XKR6: variants seen among roughly 807,000 people sequenced by gnomAD.
XKR6 encodes the protein XK related 6.
Under a neutral mutation model 56.7 loss-of-function variants are expected in XKR6, and 22 were observed. The ratio of observed to expected loss-of-function variants is 0.39; its 90% CI spans 0.28 to 0.55. The LOEUF is 0.55. Ranked by LOEUF, XKR6 falls within the 20% of genes least tolerant of loss-of-function variation. The probability of loss-of-function intolerance (pLI) is 0.66; values close to 1 mark genes in which losing one functional copy is unlikely to be tolerated. For synonymous variants in XKR6, 524 were observed against 387.8 expected, an observed-to-expected ratio of 1.35 and a Z score of -4.13; for missense variants, 852 against 889.0, an observed-to-expected ratio of 0.96 and a Z score of 0.53.
intron 1 of XKR6, among the ~76,000 whole-genome samples, chr8:11,198,834 A>C (rs1804036936): frequency 6.6e-6 from 1 of 152,058 alleles, no homozygotes; most frequent in Non-Finnish European, 1.5e-5. Context: ...TGGTATGTTA[A>C]AATCTCTCTT....
In XKR6 at chr8:11,085,585, G is replaced by A. The variant is rs78148452; in HGVS notation, c.764+114991C>T. ...GAATGGGGAGTGGGCACTGCTGGAC[G>A]AGGAGGGGGCCAGAGCGGGAGATTA... is the stretch of plus-strand genomic sequence containing the variant. On this transcript the variant is annotated intron_variant, in intron 1 of 2. Transcript: ENST00000416569. Among the ~76,000 whole-genome samples the A allele has an allele frequency of 3.9e-5, 6 of 152,284 alleles. No homozygotes were observed. The East Asian group carries it at 5.8e-4, about 15-fold the overall frequency.
chr8:11,047,324 G>C (rs1480686622), intron 1 of XKR6, among the ~76,000 whole-genome samples: 2 of 152,178 alleles, frequency 1.3e-5, no homozygotes, highest in Non-Finnish European at 2.9e-5. Flanking sequence ...CAGAGTTCAT[G>C]AAACCAGTTG....
chr8:11,169,969 T>G (rs1802284177), intron 1 of XKR6, among the ~76,000 whole-genome samples: 1 of 126,250 alleles, frequency 7.9e-6, no homozygotes, highest in African/African-American at 3.3e-5. Context: ...CATTGTGATC[T>G]CATAGACATA....
chr8:10,983,431 A>G (rs1424198853), intron 1 of XKR6, among the ~76,000 whole-genome samples: 2 of 152,112 alleles, frequency 1.3e-5, no homozygotes, highest in African/African-American at 2.4e-5. Flanking sequence ...GAAATTAATT[A>G]TCTTATAGAA....
rs1303763773 is a variant in XKR6, at chr8:11,201,087, T to G, written c.253A>C (p.Ser85Arg). 7.4e-6 allele frequency: 10 copies of G among 1,351,536 alleles called. No individual in the cohort carries two copies. Among genetic ancestry groups the G allele is most frequent in the African/African-American group, 1.5e-5 (1 of 64,632 alleles). 83.7% of individuals were successfully genotyped at this position (1,351,536 alleles called of 1,614,324 possible). Residue 85 changes from serine (S) to arginine (R), a missense_variant, in exon 1 of 3, where the codon AGC becomes CGC. By Grantham distance (110) the Ser-to-Arg change is moderately radical. Around this residue, in one of 4 missense-constraint regions of XKR6, gnomAD observed 417 missense variants for 355.2 expected, o/e 1.17. Coordinates refer to ENST00000416569, the MANE Select transcript of XKR6 (RefSeq NM_173683.4). ...RSLLGRKPRR[S>R]AAADGGDQPL... ...TGGTCCCCCCCGTCGGCGGCGGCGC[T>G]GCGGCGCGGCTTCCTGCCCAGGAGG...
rs564920186 is a variant in XKR6 at position 11,076,801 on chromosome 8, G to A, written c.764+123775C>T. On this transcript the variant is annotated intron_variant, in intron 1 of 2. Transcript: ENST00000416569. ...GGGCCCGCAGAGGACAGGCAGTCCC[G>A]TGCCCACTGCTACCTTGAATCCCAA... Among the ~76,000 whole-genome samples the A allele has an allele frequency of 2.5e-4, 38 of 152,286 alleles. No individual in the cohort carries two copies. The South Asian group carries it at 5.6e-3, about 22-fold the overall frequency.
At chr8:11,154,063 T>C (rs550414021) in intron 1 of XKR6, among the ~76,000 whole-genome samples, 1 of 152,336 alleles carries the variant, frequency 6.6e-6, no homozygotes, top group South Asian at 2.1e-4. Context: ...AAGAGACATC[T>C]GGCCTTTGCC....
intron 1 of XKR6, among the ~76,000 whole-genome samples, chr8:10,950,597 C>G (rs2129126806): frequency 6.6e-6 from 1 of 152,360 alleles, no homozygotes; most frequent in East Asian, 1.9e-4. Context: ...TGTGTCCCCA[C>G]AACAGTTTTA....
At chr8:11,109,533 T>C (rs1017387348) in intron 1 of XKR6, 3 of 152,100 alleles carry the variant, frequency 2.0e-5, no homozygotes, top group Non-Finnish European at 4.4e-5. Flanking sequence ...CGCCCACAGC[T>C]CCAGACCCGG....
At chr8:11,039,725 C>T (rs886962649) in intron 1 of XKR6, among the ~76,000 whole-genome samples, 22 of 152,240 alleles carry the variant, frequency 1.4e-4, no homozygotes, top group African/African-American at 3.6e-4. Context: ...TTCCCAAGGA[C>T]GGCAGCTGAG....
intron 1 of XKR6, among the ~76,000 whole-genome samples, chr8:11,171,574 G>A (rs960676550): frequency 6.6e-6 from 1 of 152,148 alleles, no homozygotes; most frequent in Non-Finnish European, 1.5e-5. Flanking sequence ...GTTAAAAGGA[G>A]CCTAGCCCTT....
intron 1 of XKR6, among the ~76,000 whole-genome samples, chr8:11,091,008 T>A (rs1412734347): frequency 6.6e-6 from 1 of 152,174 alleles, no homozygotes; most frequent in East Asian, 1.9e-4. Flanking sequence ...CTCTATAACC[T>A]TTGCTTCCTC....
chr8:11,106,876 A>G (rs527400648), intron 1 of XKR6, among the ~76,000 whole-genome samples: 2 of 149,330 alleles, frequency 1.3e-5, no homozygotes, highest in Non-Finnish European at 3.0e-5. Flanking sequence ...TAAAAAAGAT[A>G]CAACGTTACA....
chr8:11,138,555 T>G (rs1331749104), intron 1 of XKR6: 1 of 152,224 alleles, frequency 6.6e-6, no homozygotes, highest in Non-Finnish European at 1.5e-5. Context: ...CTAAAATAAT[T>G]AAGTGGAGAA....
At chr8:11,045,303 G>A (rs774983720) in intron 1 of XKR6, among the ~76,000 whole-genome samples, 2 of 151,518 alleles carry the variant, frequency 1.3e-5, no homozygotes, top group African/African-American at 2.4e-5. Context: ...GACTAGGCTG[G>A]TCTCGAACTC....
At chr8:10,911,666 T>A (rs1306274209) in intron 2 of XKR6, among the ~76,000 whole-genome samples, 2 of 147,258 alleles carry the variant, frequency 1.4e-5, no homozygotes, top group Non-Finnish European at 1.5e-5. Context: ...TATATATCTA[T>A]AAAGAGAAAA....
chr8:10,957,328 G>C (rs554600120), intron 1 of XKR6, among the ~76,000 whole-genome samples: 2 of 152,154 alleles, frequency 1.3e-5, no homozygotes, highest in Non-Finnish European at 2.9e-5. Context: ...CCTAGGCAAC[G>C]GATTCAGGCA....
chr8:11,101,733 C>T (rs540060821), intron 1 of XKR6, among the ~76,000 whole-genome samples: 2 of 152,314 alleles, frequency 1.3e-5, no homozygotes, highest in East Asian at 3.9e-4. Context: ...TGCAGCCCTC[C>T]GTGATCTGCA....
chr8:10,966,906 G>A (rs1468736735), intron 1 of XKR6, among the ~76,000 whole-genome samples: 1 of 152,090 alleles, frequency 6.6e-6, no homozygotes, highest in African/African-American at 2.4e-5. Flanking sequence ...TCTGATCTCT[G>A]GGGCTAGGTC....
Sources: allele counts gnomAD v4.1 joint callset (sites outside exome capture counted in the v4.1 genomes callset), GRCh38; gene constraint gnomAD v4.1.1; regional missense constraint gnomAD v4.1.1; transcripts MANE v1.5; gene names NCBI Gene and HGNC (gene_info 2026-07-23, HGNC 2026-07-21).